Variants in SLC39A11 observed in about 807,000 individuals in gnomAD.
SLC39A11 encodes the protein solute carrier family 39 member 11.
A neutral mutation model predicts 36.1 loss-of-function variants in SLC39A11; 33 were observed. That is an observed-to-expected ratio of 0.91 (90% confidence interval 0.69 to 1.22). SLC39A11 has a LOEUF of 1.22. Ranked by LOEUF, SLC39A11 falls within the 50% of genes most tolerant of loss-of-function variation. The probability of loss-of-function intolerance (pLI) is 0.00; values close to 1 mark genes in which losing one functional copy is unlikely to be tolerated. For synonymous variants in SLC39A11, 166 were observed against 170.3 expected, an observed-to-expected ratio of 0.97 and a Z score of 0.20; for missense variants, 432 against 430.3, an observed-to-expected ratio of 1.00 and a Z score of -0.03.
intron 3 of SLC39A11, among the ~76,000 whole-genome samples, chr17:73,054,011 G>A (rs1450500433): frequency 2.0e-5 from 3 of 152,160 alleles, no homozygotes. Flanking sequence ...ATATAAATCA[G>A]CACACATGGG....
intron 7 of SLC39A11, among the ~76,000 whole-genome samples, chr17:72,717,313 CT>C (rs2073449409): frequency 6.6e-6 from 1 of 152,060 alleles, no homozygotes; most frequent in East Asian, 1.9e-4. Flanking sequence ...ACCCGATGCC[CT>C]GGTTTCTTAA....
chr17:73,059,150 T>G (rs76254017), intron 3 of SLC39A11, among the ~76,000 whole-genome samples: 2,054 of 152,316 alleles, frequency 0.013, 37 homozygotes, highest in African/African-American at 0.045. Context: ...ATAAATACTT[T>G]GGCATCTTGG....
chr17:72,703,414 A>T (rs556840792), intron 7 of SLC39A11, among the ~76,000 whole-genome samples: 11 of 152,314 alleles, frequency 7.2e-5, no homozygotes, highest in African/African-American at 2.6e-4. Context: ...GAACTATTAT[A>T]ATAAGGAGAC....
At chr17:73,088,554 CA>C (rs1156798193) in intron 2 of SLC39A11, 102 bp downstream of exon 2, 2 of 843,820 alleles carry the variant, frequency 2.4e-6, no homozygotes, top group Admixed American at 4.1e-5. Flanking sequence ...GGGGTGTGGC[CA>C]GGGGCACTGA....
intron 4 of SLC39A11, among the ~76,000 whole-genome samples, chr17:73,021,673 C>T (rs1470549268): frequency 2.6e-5 from 4 of 152,176 alleles, no homozygotes; most frequent in African/African-American, 7.2e-5. Context: ...CCTCGGCTAT[C>T]GACTGGTTCA....
intron 5 of SLC39A11, among the ~76,000 whole-genome samples, chr17:72,862,536 C>T (rs1380010263): frequency 1.3e-5 from 2 of 152,132 alleles, no homozygotes; most frequent in Non-Finnish European, 2.9e-5. Context: ...ACAAGGACCA[C>T]AGGGACACAC....
At chr17:72,794,315 T>C (rs777384003) in intron 6 of SLC39A11, among the ~76,000 whole-genome samples, 1 of 152,054 alleles carries the variant, frequency 6.6e-6, no homozygotes, top group Non-Finnish European at 1.5e-5. Context: ...CCTTGGAGAA[T>C]ACAGCAGAGG....
At chr17:72,995,203 T>C (rs2089436015) in intron 4 of SLC39A11, among the ~76,000 whole-genome samples, 1 of 152,188 alleles carries the variant, frequency 6.6e-6, no homozygotes, top group African/African-American at 2.4e-5. Flanking sequence ...GAGCACAGTG[T>C]GTTTCCCCAC....
rs990117794 is a variant in SLC39A11 at position 72,716,248 on chromosome 17, T to C, written c.671+20402A>G. ...TGGACAGAATGAAAACCTGACGACC[T>C]ATCTGATGGAATTACACGGAAGAAA... On this transcript the variant is annotated intron_variant, in intron 7 of 9. Coordinates refer to ENST00000255559, the MANE Select transcript of SLC39A11 (RefSeq NM_139177.4). Among the ~76,000 whole-genome samples, 6 of 152,026 alleles carry C rather than the reference T, an allele frequency of 3.9e-5. No individual in the cohort carries two copies. The East Asian group carries it at 1.2e-3, about 30-fold the overall frequency.
chr17:72,947,157 C>T (rs1344968415), intron 5 of SLC39A11, among the ~76,000 whole-genome samples: 1 of 152,108 alleles, frequency 6.6e-6, no homozygotes, highest in Non-Finnish European at 1.5e-5. Flanking sequence ...ACCATCTCTA[C>T]TAAAAGTACA....
chr17:72,960,960 CT>C (rs1252640403), intron 4 of SLC39A11, among the ~76,000 whole-genome samples: 1 of 152,134 alleles, frequency 6.6e-6, no homozygotes, highest in African/African-American at 2.4e-5. Context: ...TAAAGTATGG[CT>C]TATCAACATT....
At chr17:72,717,108 ATGTATATATG>A (rs1231264305) in intron 7 of SLC39A11, among the ~76,000 whole-genome samples, 3 of 143,502 alleles carry the variant, frequency 2.1e-5, no homozygotes, top group African/African-American at 8.0e-5. Flanking sequence ...TTATATGTGT[ATGTATATATG>A]TATATATGTA....
chr17:72,826,177 G>C (rs542536322), intron 6 of SLC39A11, among the ~76,000 whole-genome samples: 1 of 152,288 alleles, frequency 6.6e-6, no homozygotes, highest in South Asian at 2.1e-4. Flanking sequence ...CCCCCTTGCT[G>C]TTATCATGAT....
intron 5 of SLC39A11, among the ~76,000 whole-genome samples, chr17:72,904,923 C>G (rs898164765): frequency 3.3e-5 from 5 of 152,182 alleles, no homozygotes; most frequent in Middle Eastern, 3.4e-3. Context: ...CCTGTAATCC[C>G]AGCACTTTGG....
intron 6 of SLC39A11, among the ~76,000 whole-genome samples, chr17:72,738,470 T>G (rs913506335): frequency 1.3e-5 from 2 of 152,106 alleles, no homozygotes; most frequent in Non-Finnish European, 2.9e-5. Context: ...CTGTGGTACA[T>G]GGGCTTGCCA....
At chr17:72,850,634 T>C (rs1285565443) in intron 5 of SLC39A11, among the ~76,000 whole-genome samples, 1 of 152,194 alleles carries the variant, frequency 6.6e-6, no homozygotes, top group Non-Finnish European at 1.5e-5. Context: ...CCTTCCTGAC[T>C]CAGCCACTGG....
chr17:72,708,940 CT>C lies in SLC39A11; in HGVS notation c.671+27709del, dbSNP rs397857013. On this transcript the variant is annotated intron_variant, in intron 7 of 9. Transcript: ENST00000255559. ...ACCTAGGCAAAGCCTTTTTTCTTTT[CT>C]TTTTTTTTTTTTGAGACGGAGTCTC... is the stretch of plus-strand genomic sequence containing the variant. 8.8e-4 allele frequency among the ~76,000 whole-genome samples: 128 copies of C among 145,370 alleles called. 1 individual carries two copies. Among genetic ancestry groups the C allele is most frequent in the Middle Eastern group, 3.6e-3 (1 of 280 alleles).
At chr17:72,758,367 G>A (rs146788152) in intron 6 of SLC39A11, among the ~76,000 whole-genome samples, 12 of 152,280 alleles carry the variant, frequency 7.9e-5, no homozygotes, top group Non-Finnish European at 1.6e-4. Context: ...GGCATGCTCT[G>A]GCAGTTCCCC....
chr17:73,047,987 AAAAATATATATATATATATATATATATAT>A (rs2059364308), intron 3 of SLC39A11, among the ~76,000 whole-genome samples: 1 of 50,344 alleles, frequency 2.0e-5, no homozygotes, highest in African/African-American at 6.4e-5. Flanking sequence ...AAAAAAAAAA[AAAAATATATATATATATATATATATATAT>A]ATATATATAT....
Sources: gnomAD v4.1 joint callset for allele counts (sites outside exome capture counted in the v4.1 genomes callset) on GRCh38, gnomAD v4.1.1 for gene constraint, MANE v1.5 for transcripts, NCBI Gene and HGNC (gene_info 2026-07-23, HGNC 2026-07-21) for gene names.